Variants in AKAP19 observed in about 807,000 individuals in gnomAD.
AKAP19 encodes the protein small A-kinase anchoring protein.
At chr2:190,132,340 A>G in the AKAP19 span, among the ~76,000 whole-genome samples, 1 of 152,220 alleles carries the variant, frequency 6.6e-6, no homozygotes, top group Non-Finnish European at 1.5e-5. Context: ...AGCGAATGCA[A>G]TCTTGAGCAA....
the AKAP19 span, among the ~76,000 whole-genome samples, chr2:190,014,736 A>G: frequency 6.6e-6 from 1 of 151,992 alleles, no homozygotes; most frequent in Non-Finnish European, 1.5e-5. Flanking sequence ...TTTCGAGCTC[A>G]AGTGATTCTC....
At chr2:190,133,412 G>T in the AKAP19 span, among the ~76,000 whole-genome samples, 5 of 152,018 alleles carry the variant, frequency 3.3e-5, no homozygotes, top group African/African-American at 1.2e-4. Flanking sequence ...TATTAGGATG[G>T]CTATTATCAA....
At chr2:190,178,944 G>C in the AKAP19 span, among the ~76,000 whole-genome samples, 1 of 152,198 alleles carries the variant, frequency 6.6e-6, no homozygotes, top group Non-Finnish European at 1.5e-5. The surrounding 1 kb of genome is among the most constrained non-coding windows in gnomAD (Gnocchi z 6.3). Flanking sequence ...TAGGTTGATA[G>C]AAGTTTAAAG....
the AKAP19 span, among the ~76,000 whole-genome samples, chr2:190,010,950 A>T: frequency 6.6e-6 from 1 of 150,628 alleles, no homozygotes; most frequent in Non-Finnish European, 1.5e-5. Flanking sequence ...TATATTTGGG[A>T]TATGTGGCTA....
the AKAP19 span, among the ~76,000 whole-genome samples, chr2:190,103,607 A>G: frequency 1.3e-5 from 2 of 152,246 alleles, no homozygotes; most frequent in Non-Finnish European, 2.9e-5. Flanking sequence ...AAAAAATAAA[A>G]TACCTACGAA....
At chr2:189,931,657 C>T in the AKAP19 span, among the ~76,000 whole-genome samples, 47 of 152,100 alleles carry the variant, frequency 3.1e-4, no homozygotes, top group African/African-American at 1.1e-3. Flanking sequence ...TCAAGTGATC[C>T]TCCTGCCTCA....
the AKAP19 span, among the ~76,000 whole-genome samples, chr2:190,167,211 T>C: frequency 6.6e-6 from 1 of 152,124 alleles, no homozygotes; most frequent in South Asian, 2.1e-4. Flanking sequence ...CGTCTCACAT[T>C]GTGGCAGACA....
the AKAP19 span, among the ~76,000 whole-genome samples, chr2:190,098,689 C>T: frequency 1.3e-4 from 20 of 152,162 alleles, no homozygotes; most frequent in Admixed American, 7.9e-4. Flanking sequence ...AGCCAGGCAT[C>T]GACTTCTCCT....
the AKAP19 span, among the ~76,000 whole-genome samples, chr2:190,045,272 C>T: frequency 6.6e-6 from 1 of 152,144 alleles, no homozygotes; most frequent in African/African-American, 2.4e-5. Flanking sequence ...CTGGAGGATC[C>T]CTTCTATCCC....
At chr2:190,037,550 A>T in the AKAP19 span, among the ~76,000 whole-genome samples, 1 of 152,230 alleles carries the variant, frequency 6.6e-6, no homozygotes, top group African/African-American at 2.4e-5. Flanking sequence ...TATAGACTCC[A>T]TAGCCAGGGT....
the AKAP19 span, among the ~76,000 whole-genome samples, chr2:189,981,178 C>T: frequency 6.6e-6 from 1 of 151,988 alleles, no homozygotes; most frequent in African/African-American, 2.4e-5. Flanking sequence ...GTTTTTTAAA[C>T]CTGGATGCTC....
chr2:190,099,528 A>T, the AKAP19 span, among the ~76,000 whole-genome samples: 1 of 152,208 alleles, frequency 6.6e-6, no homozygotes, highest in Non-Finnish European at 1.5e-5. Flanking sequence ...ATAGATCACC[A>T]TAACAGATAT....
At chr2:190,034,415 T>G in the AKAP19 span, among the ~76,000 whole-genome samples, 2 of 150,196 alleles carry the variant, frequency 1.3e-5, no homozygotes, top group Non-Finnish European at 3.0e-5. Flanking sequence ...GAAAAATAGC[T>G]AATAGACTTA....
chr2:190,164,396 C>G, the AKAP19 span, among the ~76,000 whole-genome samples: 1 of 151,954 alleles, frequency 6.6e-6, no homozygotes, highest in Middle Eastern at 3.2e-3. Context: ...ATTAGGCATG[C>G]GTGGTGGCAC....
chr2:190,059,932 A>G, the AKAP19 span: 1 of 855,130 alleles, frequency 1.2e-6, no homozygotes, highest in Admixed American at 2.2e-5. Flanking sequence ...GTACAGGGCT[A>G]CCGTTGGGGT....
chr2:190,155,562 T>C, the AKAP19 span, among the ~76,000 whole-genome samples: 1 of 152,168 alleles, frequency 6.6e-6, no homozygotes, highest in East Asian at 1.9e-4. Flanking sequence ...CAGCCTGGAC[T>C]TGACCAGGAG....
the AKAP19 span, chr2:189,930,633 G>A: frequency 8.1e-5 from 25 of 309,836 alleles, no homozygotes; most frequent in East Asian, 1.8e-3. Context: ...CCAAGATCGC[G>A]CCACTGCACT....
chr2:190,046,485 C>T, the AKAP19 span, among the ~76,000 whole-genome samples: 1 of 152,124 alleles, frequency 6.6e-6, no homozygotes, highest in African/African-American at 2.4e-5. Flanking sequence ...TAGTCTCTTT[C>T]ATTTATACTA....
chr2:190,104,386 A>G, the AKAP19 span, among the ~76,000 whole-genome samples: 1 of 152,234 alleles, frequency 6.6e-6, no homozygotes, highest in Non-Finnish European at 1.5e-5. Context: ...AACTATTAAC[A>G]GAGTAAACAG....
Sources: gnomAD v4.1 joint callset for allele counts (sites outside exome capture counted in the v4.1 genomes callset) on GRCh38, gnomAD v4.1.1 for gene constraint, Gnocchi (gnomAD v3.1) non-coding constraint, MANE v1.5 for transcripts, NCBI Gene and HGNC (gene_info 2026-07-23, HGNC 2026-07-21) for gene names.